Variants in GPC5 observed in about 807,000 individuals in gnomAD.
The protein encoded by GPC5 is glypican-5.
In GPC5, 47 loss-of-function variants were observed where a neutral mutation model predicts 53.9. The observed-to-expected ratio is 0.87, with a 90% CI of 0.69 to 1.11. The LOEUF is 1.11. Ranked by LOEUF, GPC5 falls within the 50% of genes most tolerant of loss-of-function variation. GPC5 has a pLI of 0.00. For synonymous variants in GPC5, 286 were observed against 263.3 expected (o/e 1.09, Z -0.84); for missense variants, 748 against 713.1 (o/e 1.05, Z -0.56).
chr13:91,726,686 A>G (rs2036582212), intron 3 of GPC5, among the ~76,000 whole-genome samples: 1 of 152,002 alleles, frequency 6.6e-6, no homozygotes, highest in South Asian at 2.1e-4. Flanking sequence ...TCAAATCCAT[A>G]TCCAAGTGCT....
chr13:91,531,947 G>A (rs895913712), intron 2 of GPC5, among the ~76,000 whole-genome samples: 2 of 151,926 alleles, frequency 1.3e-5, no homozygotes, highest in South Asian at 2.1e-4. Context: ...TGTGTTACTC[G>A]CAGTGACATG....
At chr13:91,423,952 A>T (rs112730919) in intron 1 of GPC5, among the ~76,000 whole-genome samples, 53 of 152,358 alleles carry the variant, frequency 3.5e-4, no homozygotes, top group African/African-American at 1.2e-3. Context: ...ACTGAGAAAT[A>T]GTTACAATTA....
At chr13:91,517,434 T>G (rs1885563722) in intron 2 of GPC5, among the ~76,000 whole-genome samples, 2 of 152,142 alleles carry the variant, frequency 1.3e-5, no homozygotes, top group African/African-American at 4.8e-5. Flanking sequence ...TTGCTCCAGT[T>G]CCCAAAAACT....
At chr13:92,227,506 C>A (rs1239162944) in intron 7 of GPC5, among the ~76,000 whole-genome samples, 2 of 152,076 alleles carry the variant, frequency 1.3e-5, no homozygotes, top group African/African-American at 4.8e-5. Flanking sequence ...CTATTATGGT[C>A]TCCTTTCTTA....
intron 7 of GPC5, among the ~76,000 whole-genome samples, chr13:92,792,866 G>A (rs900538946): frequency 1.3e-5 from 2 of 151,848 alleles, no homozygotes; most frequent in South Asian, 2.1e-4. Context: ...CCAATACTGC[G>A]GCACCCAGAT....
At chr13:92,656,649 A>G (rs1431719101) in intron 7 of GPC5, among the ~76,000 whole-genome samples, 1 of 152,230 alleles carries the variant, frequency 6.6e-6, no homozygotes, top group Non-Finnish European at 1.5e-5. Flanking sequence ...TATGAACTGC[A>G]TTTGGTTGTT....
intron 1 of GPC5, among the ~76,000 whole-genome samples, chr13:91,408,606 A>T (rs772640860): frequency 1.6e-4 from 24 of 152,302 alleles, no homozygotes; most frequent in South Asian, 4.1e-4. Flanking sequence ...AAGACTATTT[A>T]AGTCAATGCT....
intron 2 of GPC5, among the ~76,000 whole-genome samples, chr13:91,461,399 G>A (rs1377376614): frequency 1.3e-5 from 2 of 152,090 alleles, no homozygotes; most frequent in South Asian, 2.1e-4. Context: ...AAGAACAAGG[G>A]TCTAGAGTTA....
chr13:91,680,309 C>T (rs2035477491), intron 2 of GPC5, among the ~76,000 whole-genome samples: 1 of 152,104 alleles, frequency 6.6e-6, no homozygotes, highest in African/African-American at 2.4e-5. Flanking sequence ...ATTAGCCAGG[C>T]ATGGTGGCAT....
At chr13:92,643,399 A>G (rs1309671417) in intron 7 of GPC5, among the ~76,000 whole-genome samples, 1 of 151,336 alleles carries the variant, frequency 6.6e-6, no homozygotes. Context: ...ATGACTATAA[A>G]TCATGCTGCT....
intron 7 of GPC5, among the ~76,000 whole-genome samples, chr13:92,514,000 G>C (rs1358424647): frequency 1.3e-5 from 2 of 151,992 alleles, no homozygotes; most frequent in Non-Finnish European, 2.9e-5. Flanking sequence ...AAAAGAAATG[G>C]CCTTTGAATG....
intron 6 of GPC5, among the ~76,000 whole-genome samples, chr13:92,090,817 A>G (rs2041374141): frequency 6.6e-6 from 1 of 152,238 alleles, no homozygotes; most frequent in African/African-American, 2.4e-5. Flanking sequence ...TAAGTGTGAT[A>G]TGTTTGAATC....
At chr13:92,532,561 T>G (rs1172562348) in intron 7 of GPC5, among the ~76,000 whole-genome samples, 4 of 152,186 alleles carry the variant, frequency 2.6e-5, no homozygotes, top group Admixed American at 2.6e-4. Context: ...TGCTGCAAGC[T>G]GGCACCAATT....
At chr13:91,507,820 A>T (rs1885022170) in intron 2 of GPC5, among the ~76,000 whole-genome samples, 1 of 152,226 alleles carries the variant, frequency 6.6e-6, no homozygotes, top group Admixed American at 6.5e-5. Context: ...TCATATTCCA[A>T]GGTGAAATTA....
intron 6 of GPC5, among the ~76,000 whole-genome samples, chr13:91,979,122 T>C (rs2040334481): frequency 6.6e-6 from 1 of 152,128 alleles, no homozygotes; most frequent in Non-Finnish European, 1.5e-5. Context: ...GATGTCTAAA[T>C]AGCCATCCAA....
intron 7 of GPC5, among the ~76,000 whole-genome samples, chr13:92,612,052 C>T (rs951200516): frequency 5.3e-5 from 8 of 152,032 alleles, no homozygotes; most frequent in Non-Finnish European, 4.4e-5. Flanking sequence ...AGTATGCATA[C>T]ATTTCTACAA....
chr13:92,663,877 T>TATATAA, intron 7 of GPC5, among the ~76,000 whole-genome samples: 1 of 57,418 alleles, frequency 1.7e-5, no homozygotes, highest in Non-Finnish European at 3.0e-5. Context: ...TATATATATA[T>TATATAA]ATATATATAT....
At chr13:92,806,847 T>G (rs985940600) in intron 7 of GPC5, among the ~76,000 whole-genome samples, 1 of 151,896 alleles carries the variant, frequency 6.6e-6, no homozygotes, top group African/African-American at 2.4e-5. Context: ...AATGAAAAAG[T>G]TGGAAATATG....
At chr13:92,459,327 C>T (rs764728049) in intron 7 of GPC5, among the ~76,000 whole-genome samples, 5 of 152,078 alleles carry the variant, frequency 3.3e-5, no homozygotes, top group South Asian at 2.1e-4. Flanking sequence ...GACTAGGGCT[C>T]GTGAGATGTC....
Sources: gnomAD v4.1 joint callset for allele counts (sites outside exome capture counted in the v4.1 genomes callset) on GRCh38, gnomAD v4.1.1 for gene constraint, MANE v1.5 for transcripts, NCBI Gene and HGNC (gene_info 2026-07-23, HGNC 2026-07-21) for gene names.